C2CD5: variants seen among roughly 807,000 people sequenced by gnomAD.
C2CD5 encodes the protein C2 domain-containing protein 5.
A neutral mutation model predicts 130.3 loss-of-function variants in C2CD5; 109 were observed. That is an observed-to-expected ratio of 0.84 (90% CI 0.72 to 0.98). The LOEUF (loss-of-function observed/expected upper bound fraction) is 0.98. C2CD5 is among the 50% of genes least tolerant of loss of function. C2CD5 has a pLI of 0.00. For missense variants in C2CD5, 996 were observed against 1,261.8 expected (o/e 0.79, Z 3.19); for synonymous variants, 454 against 429.2 (o/e 1.06, Z -0.71).
intron 3 of C2CD5, among the ~76,000 whole-genome samples, chr12:22,530,191 GT>G (rs141557866): frequency 0.052 from 7,373 of 140,774 alleles, 668 homozygotes; most frequent in African/African-American, 0.19. Context: ...ATATACAACT[GT>G]GTATATATAT....
intron 10 of C2CD5, among the ~76,000 whole-genome samples, chr12:22,506,008 A>G (rs7964412): frequency 0.17 from 24,188 of 145,346 alleles, 3,832 homozygotes; most frequent in African/African-American, 0.41. Flanking sequence ...GCCTGGGTAG[A>G]CTGGAGGGGA....
At chr12:22,459,345 A>G (rs185807878) in intron 23 of C2CD5, 147 bp downstream of exon 23, 61 of 478,552 alleles carry the variant, frequency 1.3e-4, no homozygotes, top group African/African-American at 1.0e-3. Context: ...TTAAAAGAAC[A>G]TATTCTACCT....
intron 11 of C2CD5, 89 bp from the exon 12 acceptor site, chr12:22,490,307 C>CAATTTAAGT (rs1336352485): frequency 1.2e-6 from 1 of 856,528 alleles, no homozygotes; most frequent in African/African-American, 1.7e-5. Flanking sequence ...ATAACAGTGA[C>CAATTTAAGT]AATTTAAGTT....
At chr12:22,529,210 A>C (rs1409935754) in intron 3 of C2CD5, among the ~76,000 whole-genome samples, 2 of 152,328 alleles carry the variant, frequency 1.3e-5, no homozygotes, top group East Asian at 3.9e-4. Flanking sequence ...AAATGTTAAA[A>C]TAAAATGATC....
At chr12:22,528,317 A>G (rs1437310167) in intron 3 of C2CD5, among the ~76,000 whole-genome samples, 1 of 152,236 alleles carries the variant, frequency 6.6e-6, no homozygotes, top group Non-Finnish European at 1.5e-5. Context: ...GAACAGAACC[A>G]TAAGCAAAAT....
intron 10 of C2CD5, among the ~76,000 whole-genome samples, chr12:22,499,985 C>T (rs1947548555): frequency 6.6e-6 from 1 of 152,034 alleles, no homozygotes; most frequent in Non-Finnish European, 1.5e-5. Context: ...GTCAGAAGTT[C>T]GAGATCAGCC....
intron 12 of C2CD5, 52 bp downstream of exon 12, chr12:22,490,071 G>A (rs574262905): frequency 9.6e-6 from 13 of 1,358,140 alleles, no homozygotes; most frequent in Middle Eastern, 3.6e-4. Context: ...AAAAAAAGTC[G>A]ACCTCTCCCT....
intron 10 of C2CD5, among the ~76,000 whole-genome samples, chr12:22,505,690 A>G (rs977601713): frequency 7.9e-5 from 12 of 152,174 alleles, no homozygotes; most frequent in Non-Finnish European, 2.9e-5. Context: ...TAGACGTAGA[A>G]AAATCACCAG....
Position 22,458,593 on chromosome 12 carries a change from CACAG to C in C2CD5, c.2585-12_2585-9del. The C allele has an allele frequency of 8.1e-7, 1 of 1,234,258 alleles. No homozygotes were observed. Among genetic ancestry groups the C allele is most frequent in the Non-Finnish European group, 1.0e-6 (1 of 976,412 alleles). 76.5% of individuals were successfully genotyped at this position (1,234,258 alleles called of 1,614,324 possible). A position where few individuals can be genotyped will look rare whatever the true frequency, so the allele number is the denominator to read the frequency against. On this transcript the variant is annotated splice_polypyrimidine_tract_variant and intron_variant, in intron 23 of 26. Coordinates refer to ENST00000446597, the MANE Select transcript of C2CD5 (RefSeq NM_001286176.2). ...TGTAATCAACTGACGTTGCTGAAAACACAGACAGAAAACAAAAGAAAAAAACAAA... is the reference window on the plus strand; with the variant it reads ...TGTAATCAACTGACGTTGCTGAAAACACAGAAAACAAAAGAAAAAAACAAA...
intron 2 of C2CD5, among the ~76,000 whole-genome samples, chr12:22,543,243 T>C (rs1248916697): frequency 1.3e-5 from 2 of 152,264 alleles, no homozygotes; most frequent in Non-Finnish European, 2.9e-5. Flanking sequence ...AATCTTTACT[T>C]GGCTTCTTTC....
chr12:22,481,797 TA>T (rs375784299), intron 14 of C2CD5, among the ~76,000 whole-genome samples: 17 of 141,642 alleles, frequency 1.2e-4, no homozygotes, highest in East Asian at 4.0e-4. Flanking sequence ...ACACCTGGTG[TA>T]TTTTTTTTTT....
At chr12:22,506,418 T>C (rs539608016) in intron 10 of C2CD5, among the ~76,000 whole-genome samples, 96 of 152,286 alleles carry the variant, frequency 6.3e-4, no homozygotes, top group Middle Eastern at 3.4e-3. Context: ...GCCATAATGG[T>C]CAATTTATAA....
At position 22,524,608 on chromosome 12, in the gene C2CD5, G is replaced by A. The variant is rs1306091329; in HGVS notation, c.465C>T (p.Cys155=). ...KFFCTTSIPK[C]YRAVIIHGFV... ...ATCCATGAATTATCACAGCTCTATAGCATTTTGGAATAGACGTTGCTGTTA... is the reference window on the plus strand; with the variant it reads ...ATCCATGAATTATCACAGCTCTATAACATTTTGGAATAGACGTTGCTGTTA... Residue 155 remains cysteine, a synonymous_variant, in exon 6 of 27, where the codon TGC becomes TGT. Transcript: ENST00000446597. 1.9e-6 allele frequency: 3 copies of A among 1,611,928 alleles called. No homozygotes were observed. Among genetic ancestry groups the A allele is most frequent in the Non-Finnish European group, 2.5e-6 (3 of 1,178,456 alleles).
At chr12:22,535,020 A>T (rs1951688855) in intron 3 of C2CD5, 1 of 309,864 alleles carries the variant, frequency 3.2e-6, no homozygotes, top group Non-Finnish European at 5.8e-6. Context: ...AGAAAACTAC[A>T]ATAATAATAA....
At position 22,544,185 on chromosome 12, in the gene C2CD5, GAAAC is replaced by G. The variant is rs775880113; in HGVS notation, c.-29-10_-29-7del. The G allele has an allele frequency of 7.6e-5, 122 of 1,599,920 alleles. No individual in the cohort carries two copies. In the East Asian group the frequency reaches 1.9e-3, roughly 25 times the overall value. Reference sequence around the variant, plus strand: ...TTCGGCCTCTTCTTGGGCTCCTGCAGAAACAAACAAACGAGTCTGCGCCGAGCGC... The same window carrying G: ...TTCGGCCTCTTCTTGGGCTCCTGCAGAAACAAACGAGTCTGCGCCGAGCGC... On this transcript the variant is annotated splice_polypyrimidine_tract_variant and splice_region_variant and intron_variant, in intron 1 of 26. Transcript: ENST00000446597.
intron 22 of C2CD5, among the ~76,000 whole-genome samples, chr12:22,466,424 A>G (rs1942086347): frequency 6.6e-6 from 1 of 151,876 alleles, no homozygotes; most frequent in Admixed American, 6.6e-5. Context: ...TTAAAAAAAC[A>G]GAGAAATCTT....
chr12:22,544,318 A>G lies in C2CD5; in HGVS notation c.-30+2T>C. On this transcript the variant is annotated splice_donor_variant, in intron 1 of 26. Transcript: ENST00000446597. LOFTEE classifies it low-confidence loss of function (5UTR_SPLICE). The stretch of plus-strand genomic sequence containing the variant: ...GCAGTCGCGCCACGGGTCGCCACTC[A>G]CTGTCGCAGGAGGAAGGGTGCTGTC... The G allele has an allele frequency of 1.9e-6, 1 of 538,300 alleles. No individual in the cohort carries two copies. The highest frequency in any genetic ancestry group is 3.2e-6 in the Non-Finnish European group (1 of 312,584). The allele number at this position is 538,300 out of a possible 1,614,324, so 33.3% of individuals were successfully genotyped here.
Position 22,544,405 on chromosome 12 carries a change from T to A in C2CD5, c.-115A>T, listed in dbSNP as rs878908073. On this transcript the variant is annotated 5_prime_UTR_variant, in exon 1 of 27. In the 5' UTR this introduces an upstream ATG that the reference lacks. Transcript: ENST00000446597. ...CGGGAGGAAGGGCTTTGATGGGTTCTTCCGTCCCGGCCCCACAAGGCTGGG... is the reference window on the plus strand; with the variant it reads ...CGGGAGGAAGGGCTTTGATGGGTTCATCCGTCCCGGCCCCACAAGGCTGGG... 5.4e-6 allele frequency: 2 copies of A among 373,066 alleles called. No individual in the cohort carries two copies. The highest frequency in any genetic ancestry group is 4.2e-5 in the South Asian group (1 of 23,864). 23.1% of individuals were successfully genotyped at this position (373,066 alleles called of 1,614,324 possible). A position where few individuals can be genotyped will look rare whatever the true frequency, so the allele number is the denominator to read the frequency against.
chr12:22,471,687 G>A (rs756089975), intron 19 of C2CD5, among the ~76,000 whole-genome samples, 199 bp from the exon 20 acceptor site: 20 of 151,616 alleles, frequency 1.3e-4, no homozygotes, highest in Non-Finnish European at 2.8e-4. Flanking sequence ...TCGTCAATAA[G>A]TCACAAAAAA....
Sources: allele counts gnomAD v4.1 joint callset (sites outside exome capture counted in the v4.1 genomes callset), GRCh38; gene constraint gnomAD v4.1.1; transcripts MANE v1.5; gene names NCBI Gene and HGNC (gene_info 2026-07-23, HGNC 2026-07-21).